Variants in NAV2 observed in about 807,000 individuals in gnomAD.
The protein encoded by NAV2 is neuron navigator 2.
NAV2 carries 54 observed loss-of-function variants against 223.2 expected under a neutral mutation model. The ratio of observed to expected loss-of-function variants is 0.24; its 90% CI spans 0.19 to 0.30. The LOEUF is 0.30. Among genes scored for constraint, NAV2 ranks in the 10% least tolerant of loss-of-function variants. The probability of loss-of-function intolerance (pLI) is 1.00; values close to 1 mark genes in which losing one functional copy is unlikely to be tolerated. For synonymous variants in NAV2, 1,279 were observed against 1,239.3 expected, an observed-to-expected ratio of 1.03 and a Z score of -0.67; for missense variants, 2,806 against 3,147.5, an observed-to-expected ratio of 0.89 and a Z score of 2.60.
chr11:19,494,870 C>T (rs568211400), intron 1 of NAV2, among the ~76,000 whole-genome samples: 2 of 152,310 alleles, frequency 1.3e-5, no homozygotes, highest in African/African-American at 4.8e-5. Context: ...GGGTTAGCCT[C>T]CAGCAGCTGA....
intron 1 of NAV2, among the ~76,000 whole-genome samples, chr11:19,758,677 G>A (rs1029447067): frequency 6.6e-6 from 1 of 152,322 alleles, no homozygotes; most frequent in South Asian, 2.1e-4. Flanking sequence ...TCAGGCTTGG[G>A]GCCCTGTGGA....
intron 36 of NAV2, among the ~76,000 whole-genome samples, chr11:20,110,761 C>T (rs1400150252): frequency 1.3e-5 from 2 of 152,204 alleles, no homozygotes; most frequent in East Asian, 1.9e-4. Flanking sequence ...TCCCTACTCT[C>T]CTTTGTGTTA....
At chr11:19,600,033 G>T (rs1029466592) in intron 1 of NAV2, among the ~76,000 whole-genome samples, 3 of 152,212 alleles carry the variant, frequency 2.0e-5, no homozygotes, top group Non-Finnish European at 2.9e-5. Context: ...AGGAAGCACT[G>T]TGAGGGAGTG....
At chr11:20,030,409 A>C (rs1176983060) in intron 11 of NAV2, among the ~76,000 whole-genome samples, 1 of 152,228 alleles carries the variant, frequency 6.6e-6, no homozygotes, top group Non-Finnish European at 1.5e-5. Context: ...TTAATATTTA[A>C]TCGAAGTTTT....
At chr11:19,832,133 G>T (rs553082696) in intron 1 of NAV2, among the ~76,000 whole-genome samples, 2 of 152,178 alleles carry the variant, frequency 1.3e-5, no homozygotes, top group Non-Finnish European at 2.9e-5. Context: ...AAGGGGTGGG[G>T]GAGACTTTGC....
At chr11:19,843,022 C>T in intron 3 of NAV2, 99 bp downstream of exon 3, 3 of 959,506 alleles carry the variant, frequency 3.1e-6, no homozygotes, top group Non-Finnish European at 5.0e-6. Flanking sequence ...AGATGCTTTA[C>T]TCCAGGGGAT....
At chr11:20,006,827 G>A (rs910508206) in intron 11 of NAV2, among the ~76,000 whole-genome samples, 4 of 152,110 alleles carry the variant, frequency 2.6e-5, no homozygotes, top group African/African-American at 9.7e-5. Flanking sequence ...ATTCCAGCCT[G>A]GGCAACAGAG....
chr11:19,751,008 A>C (rs925132297), intron 1 of NAV2, among the ~76,000 whole-genome samples: 1 of 152,186 alleles, frequency 6.6e-6, no homozygotes, highest in Non-Finnish European at 1.5e-5. Flanking sequence ...ATCTCTTGAG[A>C]GCCAGTTGTG....
chr11:19,625,421 G>A (rs2047139100), intron 1 of NAV2, among the ~76,000 whole-genome samples: 1 of 152,138 alleles, frequency 6.6e-6, no homozygotes, highest in Admixed American at 6.5e-5. Flanking sequence ...ATTCCATGTT[G>A]TATATATACC....
upstream of NAV2, chr11:19,712,673 C>T (rs896259200): frequency 6.6e-6 from 1 of 152,226 alleles, no homozygotes; most frequent in Non-Finnish European, 1.5e-5. Flanking sequence ...CCGCTTTGTA[C>T]TCGCGGCCAA....
At position 19,695,528 on chromosome 11, in the gene NAV2, G is replaced by T. The variant is rs578256737; in HGVS notation, c.76-136956G>T. ...CTAGCTGTCCTGGGATTGATTGGCT[G>T]CAGGGTGCAAGCTGGAAAATGTGTT... On this transcript the variant is annotated intron_variant, in intron 1 of 37. Transcript: ENST00000360655. 3.3e-5 allele frequency among the ~76,000 whole-genome samples: 5 copies of T among 152,216 alleles called. 1 individual carries two copies. Among genetic ancestry groups the T allele is most frequent in the African/African-American group, 1.2e-4 (5 of 41,542 alleles).
chr11:19,605,673 A>G (rs2135282296), intron 1 of NAV2, among the ~76,000 whole-genome samples: 1 of 152,274 alleles, frequency 6.6e-6, no homozygotes, highest in East Asian at 1.9e-4. Context: ...TTCCTGGCAT[A>G]GGCAGCCGCA....
chr11:20,017,953 C>T (rs2054152408), intron 11 of NAV2, among the ~76,000 whole-genome samples: 1 of 152,134 alleles, frequency 6.6e-6, no homozygotes, highest in Admixed American at 6.6e-5. Flanking sequence ...TCCTTCCTCC[C>T]TCCCTCCCTT....
intron 1 of NAV2, among the ~76,000 whole-genome samples, chr11:19,638,884 T>C (rs1467605774): frequency 6.6e-6 from 1 of 152,138 alleles, no homozygotes; most frequent in African/African-American, 2.4e-5. Flanking sequence ...TCCCAGCTAC[T>C]CAGGAGGCTG....
At chr11:19,412,716 C>T (rs1350101177) in intron 1 of NAV2, among the ~76,000 whole-genome samples, 2 of 152,210 alleles carry the variant, frequency 1.3e-5, no homozygotes, top group African/African-American at 4.8e-5. Flanking sequence ...GATGAAGCTT[C>T]CAAAGGAAGA....
intron 1 of NAV2, among the ~76,000 whole-genome samples, chr11:19,565,694 AG>A (rs1448249341): frequency 1.3e-5 from 2 of 152,212 alleles, no homozygotes; most frequent in Non-Finnish European, 2.9e-5. Flanking sequence ...TGACTACTAC[AG>A]CCCACTCCCT....
At position 19,871,742 on chromosome 11, in the gene NAV2, G is replaced by A. The variant is rs144445934; in HGVS notation, c.511+2745G>A. On this transcript the variant is annotated intron_variant, in intron 4 of 37. Transcript: ENST00000349880. ...GTCCCCCACCAGACAGTCTCTCTCC[G>A]GTTCTTTTCCTCATTCAGGTGGCCA... Among the ~76,000 whole-genome samples the A allele has an allele frequency of 4.6e-3, 697 of 152,208 alleles. 6 individuals carry two copies. Among genetic ancestry groups the A allele is most frequent in the African/African-American group, 0.015 (631 of 41,532 alleles).
intron 5 of NAV2, among the ~76,000 whole-genome samples, chr11:19,886,615 A>G (rs893932181): frequency 5.9e-5 from 9 of 152,210 alleles, no homozygotes; most frequent in African/African-American, 2.2e-4. Context: ...AGGAAACCTG[A>G]AATTTAGTGC....
chr11:19,424,979 T>G (rs892637594), intron 1 of NAV2, among the ~76,000 whole-genome samples: 1 of 152,246 alleles, frequency 6.6e-6, no homozygotes, highest in African/African-American at 2.4e-5. Context: ...AATTCATTTA[T>G]TCTTCCATTC....
Sources: allele counts gnomAD v4.1 joint callset (sites outside exome capture counted in the v4.1 genomes callset), GRCh38; gene constraint gnomAD v4.1.1; transcripts MANE v1.5; gene names NCBI Gene and HGNC (gene_info 2026-07-23, HGNC 2026-07-21).